Variants in SPTB observed in about 807,000 individuals in gnomAD.
SPTB encodes the protein spectrin beta chain, erythrocytic.
SPTB carries 45 observed loss-of-function variants against 256.2 expected under a neutral mutation model. The ratio of observed to expected loss-of-function variants is 0.18; its 90% CI spans 0.14 to 0.23. The LOEUF (loss-of-function observed/expected upper bound fraction) is 0.23, where lower values mean the gene tolerates loss of function less well. Among genes scored for constraint, SPTB ranks in the 10% least tolerant of loss-of-function variants. The probability of loss-of-function intolerance (pLI) is 1.00; values close to 1 mark genes in which losing one functional copy is unlikely to be tolerated. For missense variants in SPTB, 2,715 were observed against 3,040.4 expected (o/e 0.89, Z 2.52); for synonymous variants, 1,231 against 1,243.1 (o/e 0.99, Z 0.21).
At chr14:64,874,054 T>C (rs953202671) in intron 1 of SPTB, among the ~76,000 whole-genome samples, 2 of 152,132 alleles carry the variant, frequency 1.3e-5, no homozygotes, top group Non-Finnish European at 2.9e-5. Flanking sequence ...TCACACCCCT[T>C]TATGACTTAA....
At chr14:64,774,830 C>T (rs967586589) in intron 23 of SPTB, among the ~76,000 whole-genome samples, 2 of 152,164 alleles carry the variant, frequency 1.3e-5, no homozygotes, top group Admixed American at 6.5e-5. Context: ...CCACCTGTCA[C>T]CTCTCACCCC....
rs1381862968 is a variant in SPTB at position 64,778,908 on chromosome 14, G to C, written c.4563+249C>G. Among the ~76,000 whole-genome samples, 1 of 151,972 alleles carries C rather than the reference G, an allele frequency of 6.6e-6. No individual in the cohort carries two copies. The highest frequency in any genetic ancestry group is 1.5e-5 in the Non-Finnish European group (1 of 67,984). ...CCTGCATTCACCTGTGCCTGATGGA[G>C]GCTGAATGGCCCTGAATCCCCAACT... is the stretch of plus-strand genomic sequence containing the variant. On this transcript the variant is annotated intron_variant, in intron 22 of 35. Coordinates refer to ENST00000644917, the MANE Select transcript of SPTB (RefSeq NM_001355436.2). This position sits in a 1 kb window ranked among gnomAD's most constrained non-coding sequence, Gnocchi z 5.2.
At chr14:64,850,752 G>A (rs1433164002) in intron 1 of SPTB, among the ~76,000 whole-genome samples, 2 of 152,102 alleles carry the variant, frequency 1.3e-5, no homozygotes, top group East Asian at 1.9e-4. Flanking sequence ...TCCTTTCTTC[G>A]TGATCTCCAT....
intron 1 of SPTB, among the ~76,000 whole-genome samples, chr14:64,862,628 C>G (rs1331721437): frequency 2.0e-5 from 3 of 152,000 alleles, no homozygotes; most frequent in Admixed American, 2.0e-4. Context: ...AATCCCAGCA[C>G]TTTGGGAGGC....
intron 32 of SPTB, chr14:64,754,173 C>G: frequency 2.7e-6 from 1 of 373,868 alleles, no homozygotes; most frequent in South Asian, 2.5e-5. Context: ...GGCCCCTCCC[C>G]TTGCTGCAGC....
intron 19 of SPTB, among the ~76,000 whole-genome samples, chr14:64,783,640 G>C (rs1475525527): frequency 6.6e-6 from 1 of 152,190 alleles, no homozygotes; most frequent in Non-Finnish European, 1.5e-5. Context: ...GAGAAACTGA[G>C]GCACAGGGAG....
intron 2 of SPTB, among the ~76,000 whole-genome samples, chr14:64,812,636 C>A (rs1487992531): frequency 6.6e-6 from 1 of 151,988 alleles, no homozygotes; most frequent in South Asian, 2.1e-4. Context: ...CCTCCCTTCT[C>A]GGTGAGCAGC....
At position 64,771,132 on chromosome 14, in the gene SPTB, G is replaced by GT. The variant is rs1165211948; in HGVS notation, c.5554-4dup. 1.2e-6 allele frequency: 2 copies of GT among 1,613,464 alleles called. No homozygotes were observed. The highest frequency in any genetic ancestry group is 1.7e-6 in the Non-Finnish European group (2 of 1,180,018). On this transcript the variant is annotated splice_region_variant and splice_polypyrimidine_tract_variant and intron_variant, in intron 26 of 35. Transcript: ENST00000644917. The stretch of plus-strand genomic sequence containing the variant: ...GCCACGTCCTGGAACTGCTGCACCT[G>GT]TGGTCAGGCAAAATCAGACATTGTT...
chr14:64,818,636 G>T (rs1376395664), intron 2 of SPTB, among the ~76,000 whole-genome samples: 1 of 152,160 alleles, frequency 6.6e-6, no homozygotes, highest in African/African-American at 2.4e-5. Flanking sequence ...GGGAGACAGA[G>T]GATGGGCATT....
chr14:64,828,726 AG>A (rs2083409187), intron 1 of SPTB, among the ~76,000 whole-genome samples: 1 of 152,210 alleles, frequency 6.6e-6, no homozygotes, highest in Non-Finnish European at 1.5e-5. Flanking sequence ...TCTCAGAATA[AG>A]TAACATTTTA....
rs985685988 is a variant in SPTB, at chr14:64,758,782, C to T, written c.6346-4989G>A. Among the ~76,000 whole-genome samples, 2 of 152,062 alleles carry T rather than the reference C, an allele frequency of 1.3e-5. No individual in the cohort carries two copies. Among genetic ancestry groups the T allele is most frequent in the East Asian group, 1.9e-4 (1 of 5,198 alleles). Reference sequence around the variant, plus strand: ...ATGCTGCTGGCAGGCTCCTTGCTCACGGGGGAGGAGGGGTGTGGGAGCCTG... The same window carrying T: ...ATGCTGCTGGCAGGCTCCTTGCTCATGGGGGAGGAGGGGTGTGGGAGCCTG... On this transcript the variant is annotated intron_variant, in intron 32 of 35. Coordinates refer to ENST00000644917, the MANE Select transcript of SPTB (RefSeq NM_001355436.2). The surrounding 1 kb of genome is among the most constrained non-coding windows in gnomAD (Gnocchi z 4.6).
At chr14:64,752,128 CAA>C in intron 33 of SPTB, 1 of 1,239,720 alleles carries the variant, frequency 8.1e-7, no homozygotes, top group Non-Finnish European at 1.1e-6. Flanking sequence ...CAAAAAAAGA[CAA>C]ATAGGGCTCA....
intron 32 of SPTB, chr14:64,754,373 A>G (rs1175771837): frequency 5.6e-6 from 1 of 179,766 alleles, no homozygotes; most frequent in Admixed American, 5.3e-5. Context: ...CCTGGCCATC[A>G]GCAGGTCTAA....
intron 2 of SPTB, among the ~76,000 whole-genome samples, chr14:64,822,592 G>C (rs1189088904): frequency 6.6e-6 from 1 of 151,962 alleles, no homozygotes; most frequent in Admixed American, 6.6e-5. Flanking sequence ...GCAGGAAATC[G>C]GGGTTAACCA....
At chr14:64,859,694 GTCTC>G (rs139838497) in intron 1 of SPTB, among the ~76,000 whole-genome samples, 17 of 52,942 alleles carry the variant, frequency 3.2e-4, no homozygotes, top group East Asian at 1.0e-3. Context: ...CTCTCTCTCT[GTCTC>G]TCTCTCTCTC....
intron 20 of SPTB, 117 bp downstream of exon 20, chr14:64,782,173 T>TA: frequency 6.9e-7 from 1 of 1,446,928 alleles, no homozygotes; most frequent in Non-Finnish European, 9.6e-7. Context: ...CATGTGTTTA[T>TA]CTATGTGACA....
chr14:64,792,433 C>T lies in SPTB; in HGVS notation c.2666+564G>A, dbSNP rs146224513. Among the ~76,000 whole-genome samples the T allele has an allele frequency of 1.4e-4, 21 of 152,278 alleles. No homozygotes were observed. The highest frequency in any genetic ancestry group is 2.6e-4 in the Admixed American group (4 of 15,298). On this transcript the variant is annotated intron_variant, in intron 14 of 35. Coordinates refer to ENST00000644917, the MANE Select transcript of SPTB (RefSeq NM_001355436.2). The surrounding 1 kb of genome is among the most constrained non-coding windows in gnomAD (Gnocchi z 4.2). ...ACCACCTTGGCACTGTTCCAGAGAG[C>T]GGCCTCTCCTTCTCCTGACTGCCTG...
rs1231828367 is a variant in SPTB at position 64,794,452 on chromosome 14, C to A, written c.1795+15G>T. Reference sequence around the variant, plus strand: ...GCATTGGAAGCCTCAAAAGGGGAGACAGACTTGGTCTCACCTTTCCCCTCG... The same window carrying A: ...GCATTGGAAGCCTCAAAAGGGGAGAAAGACTTGGTCTCACCTTTCCCCTCG... On this transcript the variant is annotated intron_variant, in intron 13 of 35. Transcript: ENST00000644917. 6.2e-7 allele frequency: 1 copy of A among 1,614,138 alleles called. No individual in the cohort carries two copies. Among genetic ancestry groups the A allele is most frequent in the African/African-American group, 1.3e-5 (1 of 75,050 alleles).
At chr14:64,859,704 CTCTCTCTCTCTCTCTCTATATA>C (rs1298662755) in intron 1 of SPTB, among the ~76,000 whole-genome samples, 29 of 15,266 alleles carry the variant, frequency 1.9e-3, no homozygotes, top group Admixed American at 0.012. Context: ...GTCTCTCTCT[CTCTCTCTCTCTCTCTCTATATA>C]TATATATATA....
Sources: allele counts gnomAD v4.1 joint callset (sites outside exome capture counted in the v4.1 genomes callset), GRCh38; gene constraint gnomAD v4.1.1; non-coding constraint Gnocchi (gnomAD v3.1); transcripts MANE v1.5; gene names NCBI Gene and HGNC (gene_info 2026-07-23, HGNC 2026-07-21).